TNRC6C: variants seen among roughly 807,000 people sequenced by gnomAD.
TNRC6C encodes trinucleotide repeat-containing gene 6C protein.
TNRC6C carries 20 observed loss-of-function variants against 153.7 expected under a neutral mutation model. That is an observed-to-expected ratio of 0.13 (90% confidence interval 0.09 to 0.19). The LOEUF is 0.19. Ranked by LOEUF, TNRC6C falls within the 10% of genes least tolerant of loss-of-function variation. The pLI is 1.00. For missense variants in TNRC6C, 1,987 were observed against 2,172.0 expected (o/e 0.91, Z 1.69); for synonymous variants, 811 against 841.4 (o/e 0.96, Z 0.63).
rs112467962 is a variant in TNRC6C, at chr17:77,968,026, A to ATTATTC, written c.-38+8776_-38+8781dup. ...AATTTGAGATGTAGTTATTATTCTT[A>ATTATTC]TTATTCTTATTCTTATTCTTATTTT... On this transcript the variant is annotated intron_variant, in intron 1 of 22. Transcript: ENST00000636222. Among the ~76,000 whole-genome samples, 6 of 152,130 alleles carry ATTATTC rather than the reference A, an allele frequency of 3.9e-5. No homozygotes were observed. The South Asian group carries it at 1.0e-3, about 26-fold the overall frequency.
At chr17:78,097,139 A>C (rs966412999) in intron 16 of TNRC6C, among the ~76,000 whole-genome samples, 1 of 152,214 alleles carries the variant, frequency 6.6e-6, no homozygotes, top group Admixed American at 6.5e-5. Flanking sequence ...CACTGAGCCC[A>C]GGAGGTTGAG....
At chr17:78,081,671 C>T (rs568424845) in intron 10 of TNRC6C, among the ~76,000 whole-genome samples, 5 of 152,102 alleles carry the variant, frequency 3.3e-5, no homozygotes, top group Non-Finnish European at 7.4e-5. Context: ...ACTACTGTGC[C>T]GGTGGCCTTG....
intron 2 of TNRC6C, 71 bp downstream of exon 4, chr17:78,031,913 A>C: frequency 1.7e-6 from 2 of 1,208,902 alleles, no homozygotes; most frequent in Non-Finnish European, 2.1e-6. Flanking sequence ...GCTGCTGAGC[A>C]ATAGAAATAG....
Position 78,049,430 on chromosome 17 carries a change from C to G in TNRC6C, c.368C>G (p.Pro123Arg). The change falls in exon 3 of 20, where the codon CCT becomes CGT. Residue 123 changes from proline to arginine, a missense_variant. Around this residue, in one of 4 missense-constraint regions of TNRC6C, gnomAD observed 1,052 missense variants for 1,017.0 expected, o/e 1.03. Coordinates refer to ENST00000301624, the Ensembl canonical transcript of TNRC6C. This position sits in a 1 kb window ranked among gnomAD's most constrained non-coding sequence, Gnocchi z 4.1. The stretch of plus-strand genomic sequence containing the variant: ...GAAGGAACCGTGGCGACAGGCAACC[C>G]TTCCAGTATTTGCAGTCCAGTCAGT... 6.2e-7 allele frequency: 1 copy of G among 1,614,026 alleles called. No homozygotes were observed. Among genetic ancestry groups the G allele is most frequent in the Non-Finnish European group, 8.5e-7 (1 of 1,179,882 alleles).
At chr17:78,068,069 G>A in intron 5 of TNRC6C, 146 bp downstream of exon 7, 1 of 870,268 alleles carries the variant, frequency 1.1e-6, no homozygotes, top group Non-Finnish European at 1.7e-6. Context: ...GACCCTTTCA[G>A]GGGAGTAAGC....
At chr17:78,039,309 G>GCCCCCCCCCCCCCCCCCCC (rs11306576) in intron 2 of TNRC6C, among the ~76,000 whole-genome samples, 2 of 113,552 alleles carry the variant, frequency 1.8e-5, no homozygotes, top group African/African-American at 7.1e-5. Flanking sequence ...TTCAAATCTT[G>GCCCCCCCCCCCCCCCCCCC]CCCCCCCCCC....
chr17:78,010,578 A>G (rs2071609129), intron 1 of TNRC6C, among the ~76,000 whole-genome samples: 1 of 152,194 alleles, frequency 6.6e-6, no homozygotes, highest in South Asian at 2.1e-4. Context: ...TGTCAGTATA[A>G]TTATTAATTT....
intron 6 of TNRC6C, 102 bp downstream of exon 8, chr17:78,071,267 G>C: frequency 8.5e-7 from 1 of 1,171,194 alleles, no homozygotes; most frequent in Non-Finnish European, 1.2e-6. Flanking sequence ...AAGACACCAA[G>C]ATTGTTTGAG....
rs1390944903 is a variant in TNRC6C at position 78,080,526 on chromosome 17, A to G, written c.3357+985A>G. On this transcript the variant is annotated intron_variant, in intron 10 of 19. Coordinates refer to ENST00000301624, the Ensembl canonical transcript of TNRC6C. ...CTGTTTGGCATGGCTCTGAGGCCTA[A>G]TATATATCAATTGTTCTTGTTAATA... is the stretch of plus-strand genomic sequence containing the variant. Among the ~76,000 whole-genome samples, 4 of 152,224 alleles carry G rather than the reference A, an allele frequency of 2.6e-5. No individual in the cohort carries two copies. The East Asian group carries it at 7.7e-4, about 29-fold the overall frequency.
intron 14 of TNRC6C, among the ~76,000 whole-genome samples, chr17:78,092,640 G>A (rs1053795435): frequency 6.6e-6 from 1 of 152,168 alleles, no homozygotes; most frequent in Admixed American, 6.5e-5. Context: ...AGCTACTTGG[G>A]AGGCCAAGGT....
At chr17:78,080,177 C>T (rs925561591) in intron 10 of TNRC6C, among the ~76,000 whole-genome samples, 29 of 152,224 alleles carry the variant, frequency 1.9e-4, no homozygotes, top group Admixed American at 1.6e-3. Flanking sequence ...CCGGGCGCGG[C>T]GGCTCACGCC....
intron 2 of TNRC6C, among the ~76,000 whole-genome samples, chr17:78,047,727 A>G (rs960420409): frequency 6.6e-6 from 1 of 152,212 alleles, no homozygotes; most frequent in African/African-American, 2.4e-5. Context: ...TGTATATTGT[A>G]GTATTTAGAG....
chr17:78,102,587 G>A (rs761722224), intron 18 of TNRC6C, 43 bp downstream of exon 21: 5 of 1,562,010 alleles, frequency 3.2e-6, no homozygotes, highest in African/African-American at 1.4e-5. Context: ...GATCCAGGGA[G>A]GGTTCCCGCT....
At chr17:78,017,890 G>T (rs1046985789) in intron 1 of TNRC6C, among the ~76,000 whole-genome samples, 1 of 152,100 alleles carries the variant, frequency 6.6e-6, no homozygotes, top group Non-Finnish European at 1.5e-5. Context: ...ACTCTACCTC[G>T]CTAACCCTGA....
chr17:78,049,788 A>T lies in TNRC6C; in HGVS notation c.726A>T (p.Glu242Asp), dbSNP rs1375399707. The change falls in exon 3 of 20, where the codon GAA becomes GAT. Residue 242 changes from glutamate (E) to aspartate (D), a missense_variant. Glu to Asp is a conservative substitution (Grantham distance 45). Coordinates refer to ENST00000301624, the Ensembl canonical transcript of TNRC6C. This position sits in a 1 kb window ranked among gnomAD's most constrained non-coding sequence, Gnocchi z 4.1. ...CTCAAGTCAGTGGGGGCAGTGCTGAAGGAATAAGCAATTCTGTGTGGGGAC... is the reference window on the plus strand; with the variant it reads ...CTCAAGTCAGTGGGGGCAGTGCTGATGGAATAAGCAATTCTGTGTGGGGAC... 1 of 1,599,628 alleles carries T rather than the reference A, an allele frequency of 6.3e-7. No homozygotes were observed. Among genetic ancestry groups the T allele is most frequent in the South Asian group, 1.1e-5 (1 of 88,674 alleles).
intron 1 of TNRC6C, among the ~76,000 whole-genome samples, chr17:78,028,492 A>G (rs1048022363): frequency 1.3e-5 from 2 of 151,904 alleles, no homozygotes; most frequent in Non-Finnish European, 2.9e-5. Flanking sequence ...AAGTAGGGAG[A>G]GTAGACAGTG....
chr17:78,025,988 A>G (rs920376125), intron 1 of TNRC6C, among the ~76,000 whole-genome samples: 2 of 152,218 alleles, frequency 1.3e-5, no homozygotes, highest in African/African-American at 4.8e-5. Flanking sequence ...TTTCATTTCC[A>G]GATGAGAAAA....
upstream of TNRC6C, among the ~76,000 whole-genome samples, chr17:77,958,843 GCCCGCCGCGCT>G (rs1348646236): frequency 1.4e-5 from 2 of 146,334 alleles, no homozygotes; most frequent in East Asian, 2.0e-4. Flanking sequence ...CAGTCCCAGC[GCCCGCCGCGCT>G]CCCGCCGCCG....
At chr17:78,068,917 C>A (rs2072935660) in intron 5 of TNRC6C, among the ~76,000 whole-genome samples, 3 of 152,106 alleles carry the variant, frequency 2.0e-5, no homozygotes, top group African/African-American at 7.2e-5. Context: ...CCAATTCAGT[C>A]CACATTCAGC....
Sources: allele counts gnomAD v4.1 joint callset (sites outside exome capture counted in the v4.1 genomes callset), GRCh38; gene constraint gnomAD v4.1.1; regional missense constraint gnomAD v4.1.1; non-coding constraint Gnocchi (gnomAD v3.1); transcripts MANE v1.5; gene names NCBI Gene and HGNC (gene_info 2026-07-23, HGNC 2026-07-21).